Variants in CDH12 observed in about 807,000 individuals in gnomAD.
The protein encoded by CDH12 is cadherin 12, also known as cadherin-12.
Under a neutral mutation model 74.1 loss-of-function variants are expected in CDH12, and 41 were observed. The observed-to-expected ratio is 0.55, with a 90% confidence interval of 0.43 to 0.72. The LOEUF (loss-of-function observed/expected upper bound fraction) is 0.72. Among genes scored for constraint, CDH12 ranks in the 30% least tolerant of loss-of-function variants. The pLI is 0.00. For missense variants in CDH12, 945 were observed against 977.2 expected (o/e 0.97, Z 0.44); for synonymous variants, 399 against 355.0 (o/e 1.12, Z -1.39).
intron 3 of CDH12, among the ~76,000 whole-genome samples, chr5:22,276,583 C>G (rs1472899017): frequency 6.6e-6 from 1 of 152,208 alleles, no homozygotes; most frequent in Non-Finnish European, 1.5e-5. Context: ...CAGAAATAAT[C>G]ATTCACTTTG....
At chr5:22,472,596 C>G (rs945986679) in intron 2 of CDH12, among the ~76,000 whole-genome samples, 11 of 152,066 alleles carry the variant, frequency 7.2e-5, no homozygotes, top group African/African-American at 2.7e-4. Context: ...TACTCAAAAC[C>G]AGCATCTCTG....
intron 2 of CDH12, among the ~76,000 whole-genome samples, chr5:22,432,961 A>C (rs1412643758): frequency 6.6e-6 from 1 of 152,090 alleles, no homozygotes; most frequent in Non-Finnish European, 1.5e-5. Flanking sequence ...TATATGCAAA[A>C]CTTGGGGCAC....
At chr5:21,880,608 CTTCCTTCCTTCTTTCTTTCT>C (rs1240318441) in intron 6 of CDH12, among the ~76,000 whole-genome samples, 8 of 65,726 alleles carry the variant, frequency 1.2e-4, no homozygotes, top group African/African-American at 3.8e-4. Context: ...TCCTTCCTTC[CTTCCTTCCTTCTTTCTTTCT>C]TTCTTTCTTT....
intron 6 of CDH12, among the ~76,000 whole-genome samples, chr5:21,927,651 G>A (rs1010647755): frequency 3.3e-5 from 5 of 152,022 alleles, no homozygotes; most frequent in African/African-American, 1.2e-4. Context: ...AGTGTGTGGG[G>A]GAAGGAGTAA....
chr5:21,976,564 C>T (rs115200823), intron 5 of CDH12, among the ~76,000 whole-genome samples: 1 of 150,600 alleles, frequency 6.6e-6, no homozygotes, highest in Admixed American at 6.6e-5. Context: ...ATAACATAGT[C>T]TTATAAATAA....
At chr5:22,501,775 A>G (rs938651362) in intron 2 of CDH12, among the ~76,000 whole-genome samples, 1 of 150,600 alleles carries the variant, frequency 6.6e-6, no homozygotes, top group African/African-American at 2.4e-5. Context: ...ATGGCTCTGC[A>G]ATTCATTTTT....
intron 3 of CDH12, among the ~76,000 whole-genome samples, chr5:22,232,157 T>G (rs959042755): frequency 1.3e-5 from 2 of 151,812 alleles, no homozygotes; most frequent in Non-Finnish European, 3.0e-5. Context: ...CTATTTTATT[T>G]TCTATTTGTT....
At chr5:22,397,672 T>C (rs901068811) in intron 3 of CDH12, among the ~76,000 whole-genome samples, 1 of 152,110 alleles carries the variant, frequency 6.6e-6, no homozygotes, top group East Asian at 1.9e-4. Context: ...AAGAAGCAGT[T>C]ATAAGATATT....
chr5:22,363,935 T>C (rs1010823262), intron 3 of CDH12, among the ~76,000 whole-genome samples: 3 of 152,198 alleles, frequency 2.0e-5, no homozygotes, highest in South Asian at 2.1e-4. Flanking sequence ...TGGTTTTATT[T>C]GATAGTTTTC....
chr5:22,552,150 T>C (rs1738601521), intron 1 of CDH12, among the ~76,000 whole-genome samples: 1 of 152,128 alleles, frequency 6.6e-6, no homozygotes, highest in Non-Finnish European at 1.5e-5. Flanking sequence ...AGTGCCATAA[T>C]AATTTTATTA....
intron 1 of CDH12, among the ~76,000 whole-genome samples, chr5:22,779,300 T>C (rs1747269572): frequency 6.6e-6 from 1 of 152,020 alleles, no homozygotes; most frequent in Admixed American, 6.6e-5. Context: ...ATGGGAAAAA[T>C]ATTTTCACTA....
intron 1 of CDH12, among the ~76,000 whole-genome samples, chr5:22,807,828 G>T (rs1020217167): frequency 6.6e-6 from 1 of 152,058 alleles, no homozygotes; most frequent in Non-Finnish European, 1.5e-5. Context: ...TCCTGAAGTT[G>T]CTCTGGGTGT....
At chr5:22,361,469 A>G (rs1740797381) in intron 3 of CDH12, among the ~76,000 whole-genome samples, 1 of 152,224 alleles carries the variant, frequency 6.6e-6, no homozygotes, top group African/African-American at 2.4e-5. Context: ...GCTCATGGAT[A>G]GGAAGAATCA....
rs113615224 is a variant in CDH12, at chr5:21,842,675, G to A, written c.647-347C>T. On this transcript the variant is annotated intron_variant, in intron 7 of 14. Coordinates refer to ENST00000382254, the MANE Select transcript of CDH12 (RefSeq NM_004061.5). ...AAAGAAGAAATCATTAAAAATTAGA[G>A]GTAAAATATAAATACAAAAAATGCG... 5.9e-3 allele frequency among the ~76,000 whole-genome samples: 904 copies of A among 152,058 alleles called. 5 individuals carry two copies. The highest frequency in any genetic ancestry group is 0.019 in the African/African-American group (792 of 41,496).
chr5:22,370,573 T>A (rs900396259), intron 3 of CDH12, among the ~76,000 whole-genome samples: 1 of 152,190 alleles, frequency 6.6e-6, no homozygotes, highest in Non-Finnish European at 1.5e-5. Context: ...TTTGCTAACA[T>A]CTTTGAGTAT....
At chr5:22,464,154 T>C (rs1293171403) in intron 2 of CDH12, among the ~76,000 whole-genome samples, 1 of 152,174 alleles carries the variant, frequency 6.6e-6, no homozygotes, top group Non-Finnish European at 1.5e-5. Context: ...ACAAGCTCTG[T>C]CTTCTCTTTG....
At chr5:22,496,853 C>T (rs1201604589) in intron 2 of CDH12, among the ~76,000 whole-genome samples, 3 of 152,146 alleles carry the variant, frequency 2.0e-5, no homozygotes, top group Admixed American at 6.5e-5. Context: ...ATGTTTTTCA[C>T]TCCCATGCCC....
chr5:22,347,176 C>T (rs1320046681), intron 3 of CDH12, among the ~76,000 whole-genome samples: 2 of 152,202 alleles, frequency 1.3e-5, no homozygotes, highest in Non-Finnish European at 1.5e-5. Flanking sequence ...AATATTGTTC[C>T]TGGGTGTGTC....
intron 1 of CDH12, among the ~76,000 whole-genome samples, chr5:22,852,102 T>C (rs1737584686): frequency 6.6e-6 from 1 of 152,172 alleles, no homozygotes; most frequent in Non-Finnish European, 1.5e-5. Context: ...GTAAGGTAAT[T>C]TTCTAGCTGA....
Sources: allele counts gnomAD v4.1 joint callset (sites outside exome capture counted in the v4.1 genomes callset), GRCh38; gene constraint gnomAD v4.1.1; transcripts MANE v1.5; gene names NCBI Gene and HGNC (gene_info 2026-07-23, HGNC 2026-07-21).